Variants in DBT observed in about 807,000 individuals in gnomAD.
DBT encodes lipoamide acyltransferase component of branched-chain alpha-keto acid dehydrogenase complex, mitochondrial.
A neutral mutation model predicts 51.3 loss-of-function variants in DBT; 40 were observed. The ratio of observed to expected loss-of-function variants is 0.78; its 90% CI spans 0.61 to 1.02. DBT has a LOEUF of 1.02. DBT is among the 50% of genes least tolerant of loss of function. DBT has a pLI of 0.00. For synonymous variants in DBT, 181 were observed against 190.4 expected, an observed-to-expected ratio of 0.95 and a Z score of 0.41; for missense variants, 510 against 580.2, an observed-to-expected ratio of 0.88 and a Z score of 1.24.
In DBT at chr1:100,211,397, A is replaced by G. The variant is rs568972314; in HGVS notation, c.940-626T>C. On this transcript the variant is annotated intron_variant, in intron 7 of 10. Transcript: ENST00000370132. ...TCAGATTTCCCTAACTGTACCCAAA[A>G]TGTTCTTGATAATCTGTTTTTGGGA... Among the ~76,000 whole-genome samples, 6 of 152,304 alleles carry G rather than the reference A, an allele frequency of 3.9e-5. No individual in the cohort carries two copies. In the East Asian group the frequency reaches 9.7e-4, roughly 25 times the overall value.
chr1:100,214,954 A>G lies in DBT; in HGVS notation c.802T>C (p.Ser268Pro). 6.2e-7 allele frequency: 1 copy of G among 1,612,582 alleles called. No individual in the cohort carries two copies. The highest frequency in any genetic ancestry group is 8.5e-7 in the Non-Finnish European group (1 of 1,178,564). The change falls in exon 7 of 11, where the codon TCT becomes CCT. Residue 268 changes from serine (S) to proline (P), a missense_variant. Ser to Pro is a moderately conservative substitution (Grantham distance 74). Coordinates refer to ENST00000370132, the MANE Select transcript of DBT (RefSeq NM_001918.5). ...GFQKAMVKTM[S>P]AALKIPHFGY... ...AAATGAGGTATCTTCAGGGCTGCAG[A>G]CATAGTCTTGACCATTGCTTTTTGA...
intron 4 of DBT, among the ~76,000 whole-genome samples, chr1:100,225,189 G>A (rs918015224): frequency 1.3e-5 from 2 of 150,296 alleles, no homozygotes; most frequent in Non-Finnish European, 3.0e-5. Flanking sequence ...AAGTTTCCTC[G>A]TATTCCTTGG....
intron 7 of DBT, chr1:100,211,074 G>C: frequency 1.3e-6 from 1 of 777,924 alleles, no homozygotes. Context: ...CTAAATTCTA[G>C]GTGATTTCCT....
At chr1:100,212,715 A>C (rs1459237387) in intron 7 of DBT, among the ~76,000 whole-genome samples, 1 of 152,222 alleles carries the variant, frequency 6.6e-6, no homozygotes, top group East Asian at 1.9e-4. Flanking sequence ...CAGCCACAGA[A>C]GGAGTCTGTA....
At chr1:100,196,849 C>T in intron 10 of DBT, 1 of 198,428 alleles carries the variant, frequency 5.0e-6, no homozygotes, top group Non-Finnish European at 1.0e-5. Context: ...ACTGAGTTGG[C>T]CAGGAAGAAG....
rs539500540 is a variant in DBT at position 100,218,787 on chromosome 1, T to A, written c.434-40A>T. The A allele has an allele frequency of 1.6e-4, 166 of 1,065,556 alleles. 1 individual carries two copies. In the South Asian group the frequency reaches 1.9e-3, roughly 12 times the overall value. The allele number at this position is 1,065,556 out of a possible 1,614,324, so 66.0% of individuals were successfully genotyped here. ...AAACTTAACTTCAGTTGAAAAAAAA[T>A]TTTTTTTTTTTACTAAGATGTAAAG... On this transcript the variant is annotated intron_variant, in intron 4 of 10. Coordinates refer to ENST00000370132, the MANE Select transcript of DBT (RefSeq NM_001918.5).
intron 1 of DBT, among the ~76,000 whole-genome samples, chr1:100,243,837 G>C (rs960760092): frequency 6.6e-6 from 1 of 151,158 alleles, no homozygotes; most frequent in African/African-American, 2.4e-5. Flanking sequence ...CAACGTATGT[G>C]AGAAAATAAA....
In DBT at chr1:100,216,037, GT is replaced by G. The variant is rs777503899; in HGVS notation, c.717del (p.Leu240Ter). The G allele has an allele frequency of 4.3e-6, 7 of 1,613,300 alleles. No homozygotes were observed. The highest frequency in any genetic ancestry group is 3.3e-4 in the Middle Eastern group (2 of 6,082). ...PPKPKDMTVP[I>X]LVSKPPVFTG... Reference sequence around the variant, plus strand: ...GTGAATACCGGAGGTTTTGATACTAGTATAGGAACAGTCATGTCTTTTGGCT... The same window carrying G: ...GTGAATACCGGAGGTTTTGATACTAGATAGGAACAGTCATGTCTTTTGGCT... On this transcript the variant is annotated frameshift_variant, in exon 6 of 11. Coordinates refer to ENST00000370132, the MANE Select transcript of DBT (RefSeq NM_001918.5). LOFTEE classifies it high-confidence loss of function.
rs1664797170 is a variant in DBT at position 100,249,644 on chromosome 1, T to TCC, written c.51+124_51+125dup. On this transcript the variant is annotated intron_variant, in intron 1 of 10. Transcript: ENST00000370132. ...TTCTCTGCCCTTTATTTTGCATGCA[T>TCC]CCCTTCACCTCTCCATCACGCGTGC... 14 of 918,902 alleles carry TCC rather than the reference T, an allele frequency of 1.5e-5. No individual in the cohort carries two copies. In the South Asian group the frequency reaches 1.8e-4, roughly 12 times the overall value. 56.9% of individuals were successfully genotyped at this position (918,902 alleles called of 1,614,324 possible).
In DBT at chr1:100,189,015, A is replaced by T. The variant is rs1000201560; in HGVS notation, c.*7240T>A. The T allele has an allele frequency of 6.6e-6, 1 of 152,126 alleles. No individual in the cohort carries two copies. 9.4% of individuals were successfully genotyped at this position (152,126 alleles called of 1,614,324 possible). ...AACATCAGAGATTCGTGCTATCTTC[A>T]GTGTTTAAGTGGTAATGCCTTTTGT... is the stretch of plus-strand genomic sequence containing the variant. On this transcript the variant is annotated 3_prime_UTR_variant, in exon 11 of 11. Coordinates refer to ENST00000370132, the MANE Select transcript of DBT (RefSeq NM_001918.5).
chr1:100,222,290 A>G (rs1391808088), intron 4 of DBT, among the ~76,000 whole-genome samples: 1 of 152,240 alleles, frequency 6.6e-6, no homozygotes, highest in Admixed American at 6.5e-5. Context: ...AACATTTTAT[A>G]CTAATCCTGG....
intron 10 of DBT, among the ~76,000 whole-genome samples, chr1:100,203,528 G>A (rs1192260206): frequency 2.0e-5 from 3 of 152,128 alleles, no homozygotes; most frequent in African/African-American, 7.2e-5. Flanking sequence ...GGTACAAAGA[G>A]GAGCTGGTAC....
chr1:100,238,176 C>T (rs1039995621), intron 2 of DBT, among the ~76,000 whole-genome samples: 1 of 113,204 alleles, frequency 8.8e-6, no homozygotes, highest in Non-Finnish European at 2.0e-5. Flanking sequence ...TCCCTCGCTT[C>T]CTTCCTTCCC....
At chr1:100,222,344 CTG>C (rs1321439604) in intron 4 of DBT, among the ~76,000 whole-genome samples, 1 of 152,128 alleles carries the variant, frequency 6.6e-6, no homozygotes, top group East Asian at 1.9e-4. Flanking sequence ...GTAAACTAAA[CTG>C]TGTTGTTGTA....
Position 100,187,852 on chromosome 1 carries a change from G to A in DBT, c.*8403C>T, listed in dbSNP as rs1321686587. 6.6e-6 allele frequency: 1 copy of A among 152,148 alleles called. No homozygotes were observed. Among genetic ancestry groups the A allele is most frequent in the African/African-American group, 2.4e-5 (1 of 41,436 alleles). The allele number at this position is 152,148 out of a possible 1,614,324, so 9.4% of individuals were successfully genotyped here. A position where few individuals can be genotyped will look rare whatever the true frequency, so the allele number is the denominator to read the frequency against. ...TTAATATCTTGTAAATGTGGAAGCT[G>A]TGACAAATTTTTGTATTTAGAAAGT... is the stretch of plus-strand genomic sequence containing the variant. On this transcript the variant is annotated 3_prime_UTR_variant, in exon 11 of 11. Transcript: ENST00000370132.
At chr1:100,201,063 A>G (rs1422353403) in intron 10 of DBT, among the ~76,000 whole-genome samples, 1 of 152,168 alleles carries the variant, frequency 6.6e-6, no homozygotes, top group Non-Finnish European at 1.5e-5. Context: ...AATGAGTTTG[A>G]TGAACTGACA....
chr1:100,226,437 C>A (rs563485136), intron 4 of DBT, among the ~76,000 whole-genome samples: 1 of 152,032 alleles, frequency 6.6e-6, no homozygotes, highest in Non-Finnish European at 1.5e-5. Flanking sequence ...GTGCACGCCA[C>A]CACACCTGGC....
Position 100,214,895 on chromosome 1 carries a change from C to T in DBT, c.861G>A (p.Leu287=). Residue 287 remains leucine, a synonymous_variant, in exon 7 of 11, where the codon CTG becomes CTA. Coordinates refer to ENST00000370132, the MANE Select transcript of DBT (RefSeq NM_001918.5). ...GYCDEIDLTE[L]VKLREELKPI... is the part of the protein sequence containing the mutation. ...GTTTTAATTCTTCTCGGAGCTTAACCAGTTCAGTAAGGTCAATCTCATCAC... is the reference window on the plus strand; with the variant it reads ...GTTTTAATTCTTCTCGGAGCTTAACTAGTTCAGTAAGGTCAATCTCATCAC... 6.2e-7 allele frequency: 1 copy of T among 1,613,882 alleles called. No homozygotes were observed. The highest frequency in any genetic ancestry group is 1.3e-5 in the African/African-American group (1 of 74,990).
intron 8 of DBT, among the ~76,000 whole-genome samples, chr1:100,207,227 C>T (rs1475781772): frequency 6.6e-6 from 1 of 152,116 alleles, no homozygotes; most frequent in African/African-American, 2.4e-5. Context: ...CTTCTGGGGG[C>T]TGAAATGACG....
Sources: allele counts gnomAD v4.1 joint callset (sites outside exome capture counted in the v4.1 genomes callset), GRCh38; gene constraint gnomAD v4.1.1; transcripts MANE v1.5; gene names NCBI Gene and HGNC (gene_info 2026-07-23, HGNC 2026-07-21).